Variants in NVL observed in about 807,000 individuals in gnomAD.
The protein encoded by NVL is nuclear valosin-containing protein-like.
A neutral mutation model predicts 110.2 loss-of-function variants in NVL; 84 were observed. That is an observed-to-expected ratio of 0.76 (90% CI 0.64 to 0.91). The LOEUF is 0.91. NVL is among the 40% of genes least tolerant of loss of function. NVL has a pLI of 0.00. For synonymous variants in NVL, 354 were observed against 361.1 expected (o/e 0.98, Z 0.22); for missense variants, 882 against 1,035.9 (o/e 0.85, Z 2.04).
At chr1:224,240,656 T>C (rs955798325) in intron 19 of NVL, among the ~76,000 whole-genome samples, 1 of 152,178 alleles carries the variant, frequency 6.6e-6, no homozygotes. Flanking sequence ...GGGTATGAAC[T>C]TCACAAAACG....
intron 6 of NVL, among the ~76,000 whole-genome samples, chr1:224,307,539 A>G (rs1669049249): frequency 1.3e-5 from 2 of 152,074 alleles, no homozygotes; most frequent in African/African-American, 4.8e-5. Flanking sequence ...CCATCTCTAG[A>G]AAAGATATAA....
chr1:224,305,328 T>C (rs769697486), intron 6 of NVL, 162 bp from the exon 7 acceptor site: 8 of 654,544 alleles, frequency 1.2e-5, no homozygotes, highest in Non-Finnish European at 2.0e-5. Flanking sequence ...CTGTCTATTG[T>C]GAAAGTCCTT....
chr1:224,278,888 C>T (rs778439372), intron 16 of NVL, among the ~76,000 whole-genome samples: 9 of 152,036 alleles, frequency 5.9e-5, no homozygotes, highest in Non-Finnish European at 8.8e-5. Flanking sequence ...GTGCATCTGG[C>T]TAATTTTATG....
At chr1:224,281,494 G>T (rs896066026) in intron 15 of NVL, among the ~76,000 whole-genome samples, 1 of 151,370 alleles carries the variant, frequency 6.6e-6, no homozygotes, top group Non-Finnish European at 1.5e-5. Context: ...TGGAGATGGG[G>T]TTTCACCATG....
At chr1:224,271,623 T>C (rs1665112578) in intron 17 of NVL, among the ~76,000 whole-genome samples, 1 of 152,156 alleles carries the variant, frequency 6.6e-6, no homozygotes, top group African/African-American at 2.4e-5. Flanking sequence ...AAAAGAGTAA[T>C]ACGGAGGAGA....
At position 224,287,793 on chromosome 1, in the gene NVL, C is replaced by T; in HGVS notation, c.1776G>A (p.Glu592=). The T allele has an allele frequency of 6.2e-7, 1 of 1,614,044 alleles. No homozygotes were observed. Among genetic ancestry groups the T allele is most frequent in the Non-Finnish European group, 8.5e-7 (1 of 1,179,926 alleles). Residue 592 remains glutamate (E), a synonymous_variant, in exon 14 of 23, where the codon GAG becomes GAA. Transcript: ENST00000281701. The part of the protein sequence containing the change: ...DIGALEDIRE[E]LTMAILAPVR... ...TACCTACCAATATTGCCATGGTGAG[C>T]TCCTCTCTAATGTCTTCCAGGGCAC... is the stretch of plus-strand genomic sequence containing the variant.
At chr1:224,330,009 G>T in intron 1 of NVL, 62 bp downstream of exon 1, 1 of 1,521,210 alleles carries the variant, frequency 6.6e-7, no homozygotes. Flanking sequence ...GACAAAAGGG[G>T]AGTGGCACCC....
intron 2 of NVL, among the ~76,000 whole-genome samples, chr1:224,322,949 A>T (rs1670802177): frequency 6.6e-6 from 1 of 151,826 alleles, no homozygotes; most frequent in African/African-American, 2.4e-5. Context: ...GTGAGACTCC[A>T]TCTCCAAAAA....
rs768400987 is a variant in NVL, at chr1:224,326,343, G to A, written c.131+48C>T. On this transcript the variant is annotated intron_variant, in intron 2 of 22. Transcript: ENST00000281701. ...AGGCAGGATATAAACTTTTAAAATG[G>A]TAAAGGAGACATAAAAATCCAAGGA... The A allele has an allele frequency of 2.9e-6, 4 of 1,384,244 alleles. No homozygotes were observed. The East Asian group carries it at 6.9e-5, about 24-fold the overall frequency. 85.7% of individuals were successfully genotyped at this position (1,384,244 alleles called of 1,614,324 possible).
chr1:224,268,065 C>CT lies in NVL; in HGVS notation c.2150dup (p.Val718GlyfsTer8). 1 of 1,613,846 alleles carries CT rather than the reference C, an allele frequency of 6.2e-7. No homozygotes were observed. The highest frequency in any genetic ancestry group is 8.5e-7 in the Non-Finnish European group (1 of 1,179,904). On this transcript the variant is annotated frameshift_variant, in exon 18 of 23. Transcript: ENST00000281701. LOFTEE classifies it high-confidence loss of function. ...TGTTAGTGGCTGCCATAATAAAAACCTGCTGGCGTGCTTCCAGACCATCCA... is the reference window on the plus strand; with the variant it reads ...TGTTAGTGGCTGCCATAATAAAAACCTTGCTGGCGTGCTTCCAGACCATCCA...
chr1:224,277,704 C>T (rs1005901691), intron 16 of NVL, among the ~76,000 whole-genome samples: 2 of 152,086 alleles, frequency 1.3e-5, no homozygotes, highest in Admixed American at 1.3e-4. Flanking sequence ...CTTTATTGGC[C>T]ATCAAATTTT....
intron 18 of NVL, chr1:224,257,075 A>G (rs773433250): frequency 7.5e-6 from 4 of 532,802 alleles, no homozygotes; most frequent in Admixed American, 2.0e-5. Flanking sequence ...GCTTTTCCCA[A>G]CTTTGGGAAA....
At chr1:224,240,949 C>G (rs1401660069) in intron 19 of NVL, among the ~76,000 whole-genome samples, 1 of 151,862 alleles carries the variant, frequency 6.6e-6, no homozygotes, top group Non-Finnish European at 1.5e-5. Context: ...CACCACCATA[C>G]CCGGCTAATT....
At chr1:224,325,085 AC>A (rs776352064) in intron 2 of NVL, among the ~76,000 whole-genome samples, 11 of 147,578 alleles carry the variant, frequency 7.5e-5, no homozygotes, top group Non-Finnish European at 1.5e-4. Context: ...ACATGGTGAA[AC>A]CCCATCTCTA....
rs1462317572 is a variant in NVL at position 224,294,392 on chromosome 1, A to G, written c.1200T>C (p.Ala400=). The G allele has an allele frequency of 2.5e-6, 4 of 1,614,026 alleles. No homozygotes were observed. The highest frequency in any genetic ancestry group is 3.4e-6 in the Non-Finnish European group (4 of 1,180,042). ...TCMDDLNNVA[A]TARVLVIGAT... is the part of the protein sequence containing the mutation. ...CTCCAATAACTAGGACCCGGGCTGT[A>G]GCAGCCACATTATTCAGATCTAGTA... is the stretch of plus-strand genomic sequence containing the variant. Residue 400 remains alanine (A), a synonymous_variant, in exon 12 of 23, where the codon GCT becomes GCC. Transcript: ENST00000281701.
intron 14 of NVL, among the ~76,000 whole-genome samples, chr1:224,287,441 C>G (rs1314492886): frequency 6.6e-6 from 1 of 152,008 alleles, no homozygotes; most frequent in Non-Finnish European, 1.5e-5. Flanking sequence ...ATAATGTTCC[C>G]AACACAAAGA....
intron 16 of NVL, among the ~76,000 whole-genome samples, chr1:224,277,718 C>A (rs1665908261): frequency 6.6e-6 from 1 of 152,156 alleles, no homozygotes; most frequent in Non-Finnish European, 1.5e-5. Flanking sequence ...AAATTTTCAA[C>A]CATTTTATTC....
intron 4 of NVL, chr1:224,313,074 G>A (rs1000312255): frequency 3.6e-5 from 14 of 388,668 alleles, no homozygotes; most frequent in Non-Finnish European, 6.9e-5. Context: ...TGGGAGGATC[G>A]CTTGGGCCTG....
chr1:224,261,372 A>G (rs1232539338), intron 18 of NVL, among the ~76,000 whole-genome samples: 1 of 152,204 alleles, frequency 6.6e-6, no homozygotes, highest in Non-Finnish European at 1.5e-5. Flanking sequence ...TACTACTGGT[A>G]GAAAATACGT....
Sources: allele counts gnomAD v4.1 joint callset (sites outside exome capture counted in the v4.1 genomes callset), GRCh38; gene constraint gnomAD v4.1.1; transcripts MANE v1.5; gene names NCBI Gene and HGNC (gene_info 2026-07-23, HGNC 2026-07-21).